The following UBA6 variants were observed in gnomAD, a reference collection of about 807,000 sequenced individuals.
The protein encoded by UBA6 is ubiquitin like modifier activating enzyme 6.
A neutral mutation model predicts 148.3 loss-of-function variants in UBA6; 87 were observed. The ratio of observed to expected loss-of-function variants is 0.59; its 90% confidence interval spans 0.49 to 0.70. The LOEUF is 0.70. UBA6 is among the 30% of genes least tolerant of loss of function. UBA6 has a pLI of 0.00. For synonymous variants in UBA6, 376 were observed against 401.0 expected, an observed-to-expected ratio of 0.94 and a Z score of 0.75; for missense variants, 1,186 against 1,241.2, an observed-to-expected ratio of 0.96 and a Z score of 0.67.
rs1267763367 is a variant in UBA6, at chr4:67,641,236, C to T, written c.1477-8G>A. On this transcript the variant is annotated splice_polypyrimidine_tract_variant and splice_region_variant and intron_variant, in intron 17 of 32. Coordinates refer to ENST00000322244, the MANE Select transcript of UBA6 (RefSeq NM_018227.6). ...AGGATCTGTAACTGTAATCTAATATCAAGAAAATATGGCTGAAATTACATA... is the reference window on the plus strand; with the variant it reads ...AGGATCTGTAACTGTAATCTAATATTAAGAAAATATGGCTGAAATTACATA... 12 of 1,514,470 alleles carry T rather than the reference C, an allele frequency of 7.9e-6. No homozygotes were observed. Among genetic ancestry groups the T allele is most frequent in the Non-Finnish European group, 9.9e-6 (11 of 1,106,058 alleles). 93.8% of individuals were successfully genotyped at this position (1,514,470 alleles called of 1,614,324 possible).
chr4:67,630,773 T>C (rs1453199594), intron 25 of UBA6, among the ~76,000 whole-genome samples: 1 of 152,068 alleles, frequency 6.6e-6, no homozygotes. Context: ...ATTCAGGTAG[T>C]GATCATGACT....
chr4:67,689,392 C>G (rs1730644357), intron 2 of UBA6, among the ~76,000 whole-genome samples: 1 of 152,010 alleles, frequency 6.6e-6, no homozygotes, highest in South Asian at 2.1e-4. Context: ...CCTTACATAT[C>G]TCAACATATA....
chr4:67,692,528 A>C (rs747788877), intron 2 of UBA6, among the ~76,000 whole-genome samples: 1 of 152,210 alleles, frequency 6.6e-6, no homozygotes, highest in Non-Finnish European at 1.5e-5. Context: ...CTCCGGCTAC[A>C]TAACAAGCAG....
Position 67,634,270 on chromosome 4 carries a change from G to C in UBA6, c.1985C>G (p.Thr662Ser), listed in dbSNP as rs758782041. 1.3e-6 allele frequency: 2 copies of C among 1,596,338 alleles called. No individual in the cohort carries two copies. Among genetic ancestry groups the C allele is most frequent in the Non-Finnish European group, 1.7e-6 (2 of 1,175,276 alleles). Residue 662 changes from threonine (T) to serine (S), a missense_variant, in exon 22 of 33, where the codon ACC (threonine) becomes AGC (serine). By Grantham distance (58) the Thr-to-Ser change is moderately conservative. Transcript: ENST00000322244. ...TAAGACTTCTTCTGCAGATGAATAG[G>C]TTTGCCAAAATTTGTTAAACAATGA... Reference protein sequence around the residue: ...KPSLFNKFWQTYSSAEEVLQK... With the variant: ...KPSLFNKFWQSYSSAEEVLQK...
chr4:67,681,881 T>C (rs116652458), intron 3 of UBA6, among the ~76,000 whole-genome samples: 1,917 of 152,288 alleles, frequency 0.013, 41 homozygotes, highest in African/African-American at 0.042. Flanking sequence ...AATTAATGGA[T>C]ATAGAGAATG....
intron 27 of UBA6, 66 bp downstream of exon 27, chr4:67,629,005 G>T: frequency 1.8e-6 from 2 of 1,101,914 alleles, no homozygotes; most frequent in Non-Finnish European, 2.8e-6. Context: ...TCCAGGTTTA[G>T]AATGGGACTT....
At position 67,639,006 on chromosome 4, in the gene UBA6, T is replaced by A. The variant is rs149429635; in HGVS notation, c.1673A>T (p.Tyr558Phe). Residue 558 changes from tyrosine to phenylalanine, a missense_variant, in exon 19 of 33, where the codon TAT (tyrosine) becomes TTT (phenylalanine). Physicochemically the swap from Tyr to Phe is conservative, Grantham distance 22. Coordinates refer to ENST00000322244, the MANE Select transcript of UBA6 (RefSeq NM_018227.6). ...TGTAATAATTACATCTTGTTTAGTA[T>A]AGAACTCATCATTGTAAATGGTCTC... ...TTETIYNDEF[Y>F]TKQDVIITAL... The A allele has an allele frequency of 5.0e-6, 8 of 1,612,864 alleles. No individual in the cohort carries two copies. In the African/African-American group the frequency reaches 1.1e-4, roughly 22 times the overall value.
intron 7 of UBA6, 39 bp downstream of exon 7, chr4:67,673,658 C>T (rs1312117139): frequency 2.8e-6 from 4 of 1,428,918 alleles, no homozygotes; most frequent in Non-Finnish European, 2.0e-6. Context: ...AGTGTTCTTC[C>T]TTGGTTAACT....
At chr4:67,639,769 AAG>A (rs900392217) in intron 18 of UBA6, among the ~76,000 whole-genome samples, 33 of 152,194 alleles carry the variant, frequency 2.2e-4, no homozygotes, top group Non-Finnish European at 4.4e-4. Flanking sequence ...TATGCATAGT[AAG>A]AGATTAATAA....
At chr4:67,621,759 C>T (rs1288120367) in intron 32 of UBA6, among the ~76,000 whole-genome samples, 3 of 152,080 alleles carry the variant, frequency 2.0e-5, no homozygotes, top group Admixed American at 6.5e-5. Flanking sequence ...GAGCTGAGAT[C>T]GCGCCACTGC....
chr4:67,637,196 G>A (rs1324658009), intron 19 of UBA6, among the ~76,000 whole-genome samples: 1 of 150,672 alleles, frequency 6.6e-6, no homozygotes, highest in Non-Finnish European at 1.5e-5. Flanking sequence ...GCCCCCACCC[G>A]GCCAGCCGCC....
At chr4:67,636,693 G>A (rs1339595971) in intron 19 of UBA6, among the ~76,000 whole-genome samples, 1 of 152,206 alleles carries the variant, frequency 6.6e-6, no homozygotes, top group Non-Finnish European at 1.5e-5. Context: ...TTCATTCAGT[G>A]CTCAATGTTG....
At position 67,645,914 on chromosome 4, in the gene UBA6, A is replaced by G. The variant is rs757783799; in HGVS notation, c.1395+24T>C. ...TATACGATAGCAGTTTGAACATACT[A>G]TTCCCATGATTATTGATACTTACTA... is the stretch of plus-strand genomic sequence containing the variant. On this transcript the variant is annotated intron_variant, in intron 16 of 32. Transcript: ENST00000322244. The G allele has an allele frequency of 3.7e-5, 54 of 1,447,642 alleles. 1 individual carries two copies. The South Asian group carries it at 6.2e-4, about 17-fold the overall frequency. 89.7% of individuals were successfully genotyped at this position (1,447,642 alleles called of 1,614,324 possible). A position where few individuals can be genotyped will look rare whatever the true frequency, so the allele number is the denominator to read the frequency against.
intron 17 of UBA6, among the ~76,000 whole-genome samples, chr4:67,643,771 T>C (rs1397731436): frequency 6.6e-6 from 1 of 152,090 alleles, no homozygotes; most frequent in Non-Finnish European, 1.5e-5. Context: ...TCTTGTTTTG[T>C]TATCTGAAGT....
intron 1 of UBA6, among the ~76,000 whole-genome samples, chr4:67,697,597 T>TC (rs1352516781): frequency 1.3e-5 from 2 of 152,350 alleles, no homozygotes; most frequent in Admixed American, 6.5e-5. Flanking sequence ...TAACTCATTT[T>TC]CCGCTACCAT....
In UBA6 at chr4:67,618,762, T is replaced by C; in HGVS notation, c.*235A>G. ...TACACAAAACTTTTGTAAATAGCAT[T>C]CCAGTTCAAAGTTGCTTGTGATCAT... On this transcript the variant is annotated 3_prime_UTR_variant, in exon 33 of 33. Transcript: ENST00000322244. The C allele has an allele frequency of 2.6e-6, 1 of 386,938 alleles. No homozygotes were observed. Among genetic ancestry groups the C allele is most frequent in the Non-Finnish European group, 4.6e-6 (1 of 218,306 alleles). 24.0% of individuals were successfully genotyped at this position (386,938 alleles called of 1,614,324 possible).
chr4:67,663,866 C>A lies in UBA6; in HGVS notation c.960+19G>T. ...TCTGATTCTGCTGCCTCTCTCAAAC[C>A]TGCAAAGTGTTTATTTACCTCAGGG... is the stretch of plus-strand genomic sequence containing the variant. On this transcript the variant is annotated intron_variant, in intron 11 of 32. Transcript: ENST00000322244. The A allele has an allele frequency of 6.2e-7, 1 of 1,610,122 alleles. No individual in the cohort carries two copies. The highest frequency in any genetic ancestry group is 8.5e-7 in the Non-Finnish European group (1 of 1,176,644).
chr4:67,662,688 C>G (rs11131718), intron 12 of UBA6: 34,291 of 169,702 alleles, frequency 0.2, 3,805 homozygotes, highest in Middle Eastern at 0.26. Context: ...GTCTTGAACT[C>G]CTGGCCTCAA....
chr4:67,620,811 G>GTAAGCTTCAAA (rs1728734567), intron 32 of UBA6, among the ~76,000 whole-genome samples: 1 of 152,104 alleles, frequency 6.6e-6, no homozygotes, highest in Non-Finnish European at 1.5e-5. Context: ...ATCCCTATTT[G>GTAAGCTTCAAA]TGGATTTGTA....
Sources: gnomAD v4.1 joint callset for allele counts (sites outside exome capture counted in the v4.1 genomes callset) on GRCh38, gnomAD v4.1.1 for gene constraint, MANE v1.5 for transcripts, NCBI Gene and HGNC (gene_info 2026-07-23, HGNC 2026-07-21) for gene names.